FBXL17: variants seen among roughly 807,000 people sequenced by gnomAD.
The protein encoded by FBXL17 is F-box and leucine rich repeat protein 17.
A neutral mutation model predicts 66.2 loss-of-function variants in FBXL17; 22 were observed. The observed-to-expected ratio is 0.33, with a 90% CI of 0.24 to 0.47. The LOEUF (loss-of-function observed/expected upper bound fraction) is 0.47, where lower values mean the gene tolerates loss of function less well. Among genes scored for constraint, FBXL17 ranks in the 20% least tolerant of loss-of-function variants. The pLI, the probability that FBXL17 is intolerant of heterozygous loss-of-function variation, is 1.00. For missense variants in FBXL17, 878 were observed against 948.2 expected, an observed-to-expected ratio of 0.93 and a Z score of 0.97; for synonymous variants, 474 against 400.5, an observed-to-expected ratio of 1.18 and a Z score of -2.19.
rs114493826 is a variant in FBXL17, at chr5:108,021,680, A to G, written c.1746-679T>C. ...TTTTTTTAATGGTGCACTCTGCTCTAATAGGCCTAGCGGAAGTTGTATACA... is the reference window on the plus strand; with the variant it reads ...TTTTTTTAATGGTGCACTCTGCTCTGATAGGCCTAGCGGAAGTTGTATACA... On this transcript the variant is annotated intron_variant, in intron 6 of 8. Transcript: ENST00000542267. Among the ~76,000 whole-genome samples the G allele has an allele frequency of 3.1e-3, 463 of 151,680 alleles. 2 individuals are homozygous for G. The highest frequency in any genetic ancestry group is 0.01 in the African/African-American group (433 of 41,454).
intron 6 of FBXL17, among the ~76,000 whole-genome samples, chr5:108,132,353 A>G (rs1180464414): frequency 1.3e-5 from 2 of 152,230 alleles, no homozygotes; most frequent in Non-Finnish European, 2.9e-5. Context: ...TCTTACAGAT[A>G]GTAATGACCA....
chr5:108,324,492 T>C (rs1363782400), intron 4 of FBXL17, among the ~76,000 whole-genome samples: 1 of 151,960 alleles, frequency 6.6e-6, no homozygotes, highest in Non-Finnish European at 1.5e-5. Flanking sequence ...TTGGGTGAAA[T>C]GTAAAATGGT....
At chr5:108,277,604 GTCATTCTGAAAAGAGCTTAGAGTTCTC>G (rs1255783606) in intron 4 of FBXL17, among the ~76,000 whole-genome samples, 1 of 152,158 alleles carries the variant, frequency 6.6e-6, no homozygotes, top group Non-Finnish European at 1.5e-5. Context: ...AATTTATTTG[GTCATTCTGAAAAGAGCTTAGAGTTCTC>G]TCAGTCTGAA....
At chr5:108,214,900 G>A (rs1036092663) in intron 5 of FBXL17, among the ~76,000 whole-genome samples, 3 of 152,072 alleles carry the variant, frequency 2.0e-5, no homozygotes, top group Admixed American at 2.0e-4. Context: ...TCATTAGACT[G>A]AAAAGAAACC....
intron 8 of FBXL17, among the ~76,000 whole-genome samples, chr5:107,866,081 G>A (rs1053044039): frequency 1.1e-5 from 1 of 90,510 alleles, no homozygotes; most frequent in Non-Finnish European, 2.2e-5. Flanking sequence ...GAACATTAAA[G>A]ATGAAGTTTT....
At chr5:107,864,334 A>C (rs1419401356) in intron 8 of FBXL17, among the ~76,000 whole-genome samples, 1 of 152,218 alleles carries the variant, frequency 6.6e-6, no homozygotes, top group African/African-American at 2.4e-5. Flanking sequence ...CATTAGTTGT[A>C]ATGTTTAAAA....
chr5:108,270,573 T>TA (rs1757227735), intron 4 of FBXL17, among the ~76,000 whole-genome samples: 1 of 151,126 alleles, frequency 6.6e-6, no homozygotes, highest in Non-Finnish European at 1.5e-5. Flanking sequence ...ATTTGTCTAG[T>TA]AAAACCAAAG....
intron 4 of FBXL17, among the ~76,000 whole-genome samples, chr5:108,263,598 G>T (rs569844497): frequency 7.6e-4 from 115 of 152,140 alleles, no homozygotes; most frequent in African/African-American, 2.7e-3. Context: ...ATACAGTCAA[G>T]AAACCACAGT....
chr5:107,869,840 C>T (rs1210819377), intron 8 of FBXL17, among the ~76,000 whole-genome samples: 3 of 152,184 alleles, frequency 2.0e-5, no homozygotes, highest in Admixed American at 1.3e-4. Flanking sequence ...CATTCCCTTC[C>T]TTCCCTCTTC....
chr5:108,010,767 A>G (rs1440262556), intron 7 of FBXL17, among the ~76,000 whole-genome samples: 2 of 152,204 alleles, frequency 1.3e-5, no homozygotes, highest in East Asian at 1.9e-4. Context: ...TTGAGCATCA[A>G]TAAAAAAAAA....
At chr5:108,348,165 T>C (rs1054359208) in intron 4 of FBXL17, among the ~76,000 whole-genome samples, 7 of 152,358 alleles carry the variant, frequency 4.6e-5, no homozygotes, top group Admixed American at 3.9e-4. Flanking sequence ...TTAGAAAAGA[T>C]GCATTGGCAC....
At chr5:107,977,988 A>C (rs1357283767) in intron 7 of FBXL17, among the ~76,000 whole-genome samples, 1 of 152,162 alleles carries the variant, frequency 6.6e-6, no homozygotes, top group African/African-American at 2.4e-5. Flanking sequence ...ATGATCTCTA[A>C]CTTTATGAAG....
chr5:108,177,285 G>A (rs578106773), intron 6 of FBXL17, among the ~76,000 whole-genome samples: 1 of 152,254 alleles, frequency 6.6e-6, no homozygotes, highest in East Asian at 1.9e-4. Flanking sequence ...CATAAGAAAT[G>A]AAGAGTATTT....
chr5:108,142,990 A>AATAATAATAATAATAATG (rs1751413448), intron 6 of FBXL17, among the ~76,000 whole-genome samples: 4 of 150,126 alleles, frequency 2.7e-5, no homozygotes, highest in African/African-American at 9.8e-5. Flanking sequence ...TAATAATAAT[A>AATAATAATAATAATAATG]ATAATAATAA....
intron 3 of FBXL17, among the ~76,000 whole-genome samples, chr5:108,355,264 ATTT>A (rs1202862144): frequency 2.5e-5 from 1 of 39,498 alleles, no homozygotes; most frequent in East Asian, 2.7e-3. Flanking sequence ...GAAAAACTTT[ATTT>A]ATTTATTTAT....
chr5:108,313,028 G>A (rs933886656), intron 4 of FBXL17, among the ~76,000 whole-genome samples: 4 of 152,036 alleles, frequency 2.6e-5, no homozygotes, highest in East Asian at 1.9e-4. Context: ...ATAATCAAAT[G>A]TTAGTTACTA....
intron 6 of FBXL17, among the ~76,000 whole-genome samples, chr5:108,079,832 C>A (rs949661564): frequency 6.6e-6 from 1 of 152,150 alleles, no homozygotes; most frequent in Non-Finnish European, 1.5e-5. Flanking sequence ...TTGCAATGGG[C>A]CTAATTTACA....
chr5:107,932,790 C>G (rs1481446679), intron 7 of FBXL17, among the ~76,000 whole-genome samples: 1 of 152,166 alleles, frequency 6.6e-6, no homozygotes, highest in Non-Finnish European at 1.5e-5. Flanking sequence ...TAGACTATCT[C>G]TAAAACAGAT....
chr5:108,301,094 G>C (rs532262928), intron 4 of FBXL17, among the ~76,000 whole-genome samples: 12 of 151,722 alleles, frequency 7.9e-5, no homozygotes, highest in African/African-American at 2.9e-4. Flanking sequence ...TTTAATTATA[G>C]CTTCTTACTG....
Sources: gnomAD v4.1 joint callset for allele counts (sites outside exome capture counted in the v4.1 genomes callset) on GRCh38, gnomAD v4.1.1 for gene constraint, MANE v1.5 for transcripts, NCBI Gene and HGNC (gene_info 2026-07-23, HGNC 2026-07-21) for gene names.